The following SGSM2 variants were observed in gnomAD, a reference collection of about 807,000 sequenced individuals.
SGSM2 encodes the protein RUN and TBC1 domain containing 1.
SGSM2 carries 89 observed loss-of-function variants against 126.6 expected under a neutral mutation model. The ratio of observed to expected loss-of-function variants is 0.70; its 90% CI spans 0.59 to 0.84. The LOEUF is 0.84. Ranked by LOEUF, SGSM2 falls within the 40% of genes least tolerant of loss-of-function variation. SGSM2 has a pLI of 0.00. For missense variants in SGSM2, 1,404 were observed against 1,416.6 expected, an observed-to-expected ratio of 0.99 and a Z score of 0.14; for synonymous variants, 614 against 574.3, an observed-to-expected ratio of 1.07 and a Z score of -0.99.
intron 19 of SGSM2, chr17:2,376,467 C>G (rs1027641453): frequency 2.1e-5 from 14 of 676,264 alleles, no homozygotes; most frequent in Non-Finnish European, 3.5e-5. Flanking sequence ...TTCAGCCACA[C>G]CTCTTCAGGA....
intron 2 of SGSM2, among the ~76,000 whole-genome samples, chr17:2,360,988 T>C (rs922617533): frequency 6.6e-6 from 1 of 152,244 alleles, no homozygotes; most frequent in Non-Finnish European, 1.5e-5. Flanking sequence ...AGAGTCTGTC[T>C]GGGCACAGGG....
At chr17:2,377,268 G>GAA in intron 21 of SGSM2, 200 bp downstream of exon 21, 1 of 540,026 alleles carries the variant, frequency 1.9e-6, no homozygotes, top group Middle Eastern at 4.9e-4. Flanking sequence ...GGCGGATCAC[G>GAA]AAGTCAGGAG....
At chr17:2,345,469 G>A (rs1199817175) in intron 2 of SGSM2, among the ~76,000 whole-genome samples, 16 of 151,830 alleles carry the variant, frequency 1.1e-4, no homozygotes, top group African/African-American at 3.9e-4. Context: ...GGTGGCGGGC[G>A]CCTGTAGTCC....
At chr17:2,376,314 C>T in intron 19 of SGSM2, 53 bp downstream of exon 19, 1 of 1,497,982 alleles carries the variant, frequency 6.7e-7, no homozygotes, top group South Asian at 1.3e-5. Context: ...CCGCCAGTTA[C>T]TCTGTGAAGA....
Position 2,337,548 on chromosome 17 carries a change from T to G in SGSM2, c.-141T>G, listed in dbSNP as rs1305831086. Reference sequence around the variant, plus strand: ...GCGGAGCCGAGCACCGGGCAGTGGCTGCGGCGGCGGCGGCGGCGGCGGGCC... The same window carrying G: ...GCGGAGCCGAGCACCGGGCAGTGGCGGCGGCGGCGGCGGCGGCGGCGGGCC... On this transcript the variant is annotated 5_prime_UTR_variant, in exon 1 of 24. Coordinates refer to ENST00000268989, the MANE Select transcript of SGSM2 (RefSeq NM_014853.3). The surrounding 1 kb of genome is among the most constrained non-coding windows in gnomAD (Gnocchi z 5.1). The G allele has an allele frequency of 7.0e-6, 2 of 286,614 alleles. No individual in the cohort carries two copies. The highest frequency in any genetic ancestry group is 1.1e-5 in the Non-Finnish European group (2 of 184,118). The allele number at this position is 286,614 out of a possible 1,614,324, so 17.8% of individuals were successfully genotyped here.
intron 17 of SGSM2, 59 bp from the exon 18 acceptor site, chr17:2,375,433 C>T (rs1482246282): frequency 4.2e-5 from 65 of 1,536,572 alleles, no homozygotes; most frequent in Non-Finnish European, 5.4e-5. Context: ...CCCGAGGAGG[C>T]GGTGGGCTGC....
chr17:2,367,767 T>C lies in SGSM2; in HGVS notation c.1423+362T>C, dbSNP rs893745122. Reference sequence around the variant, plus strand: ...AGGTCTCTTCCTTTCTCTCTGCTGATTGGGAAGACCAGCCTCTGGGCCTGG... The same window carrying C: ...AGGTCTCTTCCTTTCTCTCTGCTGACTGGGAAGACCAGCCTCTGGGCCTGG... On this transcript the variant is annotated intron_variant, in intron 12 of 23. Transcript: ENST00000268989. The surrounding 1 kb of genome is among the most constrained non-coding windows in gnomAD (Gnocchi z 4.0). 6.6e-6 allele frequency among the ~76,000 whole-genome samples: 1 copy of C among 152,320 alleles called. No homozygotes were observed.
chr17:2,378,995 G>A, intron 22 of SGSM2, 41 bp from the exon 23 acceptor site: 1 of 1,588,116 alleles, frequency 6.3e-7, no homozygotes, highest in African/African-American at 1.3e-5. Flanking sequence ...CCCCAGATAT[G>A]CGGCTAGGAC....
intron 2 of SGSM2, among the ~76,000 whole-genome samples, chr17:2,360,305 C>T (rs2065258165): frequency 6.6e-6 from 1 of 152,136 alleles, no homozygotes; most frequent in African/African-American, 2.4e-5. Flanking sequence ...TGAGATTCCA[C>T]GATTGCACTC....
Position 2,372,137 on chromosome 17 carries a change from C to T in SGSM2, c.1578-53C>T. 6.2e-7 allele frequency: 1 copy of T among 1,603,550 alleles called. No homozygotes were observed. The highest frequency in any genetic ancestry group is 8.5e-7 in the Non-Finnish European group (1 of 1,172,430). ...CAGAGCCTCCTCCCTTCTCTCTCTC[C>T]TCCCACCAGAGGGGCCGCAGCCCCT... On this transcript the variant is annotated intron_variant, in intron 13 of 23. Coordinates refer to ENST00000268989, the MANE Select transcript of SGSM2 (RefSeq NM_014853.3). This position sits in a 1 kb window ranked among gnomAD's most constrained non-coding sequence, Gnocchi z 6.0.
chr17:2,345,454 G>T (rs1224160051), intron 2 of SGSM2, among the ~76,000 whole-genome samples: 3 of 152,150 alleles, frequency 2.0e-5, no homozygotes, highest in Non-Finnish European at 4.4e-5. Context: ...AAATTAGCCA[G>T]GCGTGGTGGC....
intron 10 of SGSM2, 58 bp downstream of exon 10, chr17:2,365,115 CCCTT>C: frequency 1.3e-6 from 2 of 1,598,396 alleles, no homozygotes; most frequent in South Asian, 1.1e-5. Flanking sequence ...CTGCCCGCCT[CCCTT>C]CCTTCCCCAC....
rs1020533692 is a variant in SGSM2 at position 2,349,410 on chromosome 17, G to A, written c.133+5790G>A. Among the ~76,000 whole-genome samples, 3 of 151,300 alleles carry A rather than the reference G, an allele frequency of 2.0e-5. No homozygotes were observed. The East Asian group carries it at 5.9e-4, about 30-fold the overall frequency. On this transcript the variant is annotated intron_variant, in intron 2 of 23. Transcript: ENST00000268989. ...GTGACCTTACAACCTTTCCTATAAA[G>A]CCTCCTCGAGCCTTCCCCAGGATTC... is the stretch of plus-strand genomic sequence containing the variant.
At chr17:2,358,883 T>TTTG (rs1567817504) in intron 2 of SGSM2, among the ~76,000 whole-genome samples, 15 of 148,006 alleles carry the variant, frequency 1.0e-4, no homozygotes, top group African/African-American at 3.2e-4. Context: ...GTTTTTTTTT[T>TTTG]TTTTTTTTTT....
At chr17:2,339,659 G>A (rs908948409) in intron 1 of SGSM2, among the ~76,000 whole-genome samples, 1 of 145,666 alleles carries the variant, frequency 6.9e-6, no homozygotes, top group African/African-American at 2.6e-5. Flanking sequence ...AGTGAGCCCA[G>A]ATCGTGCCAC....
chr17:2,379,133 G>T lies in SGSM2; in HGVS notation c.2997G>T (p.Leu999=), dbSNP rs1299660472. The T allele has an allele frequency of 6.2e-7, 1 of 1,614,192 alleles. No homozygotes were observed. The highest frequency in any genetic ancestry group is 2.2e-5 in the East Asian group (1 of 44,884). Residue 999 remains leucine (L), a synonymous_variant, in exon 23 of 24, where the codon CTG becomes CTT. Transcript: ENST00000268989. ...EHFVLFIALA[L]VEAYREIIRD... is the part of the protein sequence containing the mutation. ...TTGTCCTGTTCATCGCCCTCGCCCT[G>T]GTGGAGGCCTACCGAGAGATCATCC...
Position 2,345,463 on chromosome 17 carries a change from G to A in SGSM2, c.133+1843G>A, listed in dbSNP as rs1004423065. Among the ~76,000 whole-genome samples the A allele has an allele frequency of 2.6e-5, 4 of 152,090 alleles. 1 individual carries two copies. Among genetic ancestry groups the A allele is most frequent in the South Asian group, 4.2e-4 (2 of 4,816 alleles). On this transcript the variant is annotated intron_variant, in intron 2 of 23. Transcript: ENST00000268989. ...TACAAAAAATTAGCCAGGCGTGGTG[G>A]CGGGCGCCTGTAGTCCCAGCTACTC...
intron 1 of SGSM2, among the ~76,000 whole-genome samples, chr17:2,343,287 G>A (rs1384475334): frequency 6.6e-6 from 1 of 152,174 alleles, no homozygotes; most frequent in African/African-American, 2.4e-5. Context: ...CCAAGGCAGG[G>A]CACTTCCACC....
intron 2 of SGSM2, among the ~76,000 whole-genome samples, chr17:2,344,481 T>C (rs1338156405): frequency 6.6e-6 from 1 of 152,102 alleles, no homozygotes; most frequent in Admixed American, 6.5e-5. Flanking sequence ...CTTTGGACGG[T>C]AGTGTGGCAC....
Sources: allele counts gnomAD v4.1 joint callset (sites outside exome capture counted in the v4.1 genomes callset), GRCh38; gene constraint gnomAD v4.1.1; non-coding constraint Gnocchi (gnomAD v3.1); transcripts MANE v1.5; gene names NCBI Gene and HGNC (gene_info 2026-07-23, HGNC 2026-07-21).